Variants in NSMCE2 observed in about 807,000 individuals in gnomAD.
NSMCE2 encodes NSE2 SUMO ligase component of SMC5/6 complex, also known as E3 SUMO-protein ligase NSE2.
In NSMCE2, 24 loss-of-function variants were observed where a neutral mutation model predicts 23.8. The ratio of observed to expected loss-of-function variants is 1.01; its 90% CI spans 0.73 to 1.42. The LOEUF is 1.42. NSMCE2 is among the 40% of genes most tolerant of loss of function. The pLI, the probability that NSMCE2 is intolerant of heterozygous loss-of-function variation, is 0.00. For synonymous variants in NSMCE2, 92 were observed against 94.1 expected (o/e 0.98, Z 0.13); for missense variants, 284 against 296.5 (o/e 0.96, Z 0.31).
chr8:125,319,122 C>G (rs567360236), intron 5 of NSMCE2, among the ~76,000 whole-genome samples: 122 of 152,306 alleles, frequency 8.0e-4, no homozygotes, highest in African/African-American at 2.9e-3. Context: ...AATTCAGAGA[C>G]ATTGGTTACT....
In NSMCE2 at chr8:125,277,327, G is replaced by A. The variant is rs535455203; in HGVS notation, c.419-79892G>A. The stretch of plus-strand genomic sequence containing the variant: ...CTCCTCCTCAAGTCACCTCTCTGAA[G>A]TCAAGGCCATGATATTCATTAGGCA... On this transcript the variant is annotated intron_variant, in intron 5 of 7. Coordinates refer to ENST00000287437, the MANE Select transcript of NSMCE2 (RefSeq NM_173685.4). Among the ~76,000 whole-genome samples, 50 of 152,190 alleles carry A rather than the reference G, an allele frequency of 3.3e-4. No homozygotes were observed. The South Asian group carries it at 9.8e-3, about 30-fold the overall frequency.
At chr8:125,179,528 G>A (rs1041060725) in intron 4 of NSMCE2, among the ~76,000 whole-genome samples, 2 of 152,196 alleles carry the variant, frequency 1.3e-5, no homozygotes, top group Non-Finnish European at 2.9e-5. Flanking sequence ...GAGATAATGA[G>A]TTGAATGTTT....
At chr8:125,354,076 C>T (rs1417082095) in intron 5 of NSMCE2, among the ~76,000 whole-genome samples, 1 of 151,030 alleles carries the variant, frequency 6.6e-6, no homozygotes, top group Non-Finnish European at 1.5e-5. Flanking sequence ...AGGTTATAGG[C>T]GCCCACCACC....
intron 5 of NSMCE2, among the ~76,000 whole-genome samples, chr8:125,218,597 A>T (rs1235980299): frequency 6.6e-6 from 1 of 151,984 alleles, no homozygotes; most frequent in African/African-American, 2.4e-5. Flanking sequence ...TTTTTAGTAG[A>T]CGTGGGGTTT....
chr8:125,196,142 C>T (rs987988411), intron 5 of NSMCE2, among the ~76,000 whole-genome samples: 4 of 151,612 alleles, frequency 2.6e-5, no homozygotes, highest in African/African-American at 9.7e-5. Context: ...CCTTGGCCTC[C>T]CAAAGTGCTG....
intron 1 of NSMCE2, among the ~76,000 whole-genome samples, chr8:125,100,982 G>A (rs1283044989): frequency 1.3e-5 from 2 of 152,202 alleles, no homozygotes; most frequent in African/African-American, 2.4e-5. Flanking sequence ...CTTGAAAACT[G>A]TGGTATTCTC....
intron 3 of NSMCE2, among the ~76,000 whole-genome samples, chr8:125,130,880 G>A (rs1173516784): frequency 5.9e-5 from 9 of 152,128 alleles, no homozygotes; most frequent in Admixed American, 5.9e-4. Context: ...CTGTACATTT[G>A]CTTCTGTGTG....
intron 5 of NSMCE2, among the ~76,000 whole-genome samples, chr8:125,324,871 G>T (rs532526341): frequency 3.8e-5 from 2 of 52,266 alleles, no homozygotes; most frequent in South Asian, 1.2e-3. Context: ...ACCGCGCCCG[G>T]CCCATTTTGA....
At chr8:125,226,235 G>A (rs1825085786) in intron 5 of NSMCE2, among the ~76,000 whole-genome samples, 1 of 152,148 alleles carries the variant, frequency 6.6e-6, no homozygotes, top group African/African-American at 2.4e-5. Context: ...TATTCTCATG[G>A]CCCAGTCATT....
intron 3 of NSMCE2, among the ~76,000 whole-genome samples, chr8:125,138,930 A>G (rs1333892596): frequency 6.6e-6 from 1 of 152,168 alleles, no homozygotes; most frequent in Non-Finnish European, 1.5e-5. Flanking sequence ...CTGAGCCTCA[A>G]TTTCCTCAAC....
intron 5 of NSMCE2, among the ~76,000 whole-genome samples, chr8:125,255,777 C>CG (rs2131027734): frequency 6.6e-6 from 1 of 152,254 alleles, no homozygotes; most frequent in East Asian, 1.9e-4. Flanking sequence ...GCTGTCTGAT[C>CG]AGGTTTGTGT....
At chr8:125,137,388 A>G (rs1820125602) in intron 3 of NSMCE2, among the ~76,000 whole-genome samples, 1 of 152,208 alleles carries the variant, frequency 6.6e-6, no homozygotes, top group South Asian at 2.1e-4. Flanking sequence ...TCTGTTTTAA[A>G]GGAGGCTGAC....
chr8:125,257,021 G>A (rs1243497861), intron 5 of NSMCE2, among the ~76,000 whole-genome samples: 3 of 149,794 alleles, frequency 2.0e-5, no homozygotes, highest in African/African-American at 7.4e-5. Flanking sequence ...AAGGAGTCCG[G>A]GCCTGTAATC....
intron 7 of NSMCE2, among the ~76,000 whole-genome samples, chr8:125,365,498 G>C (rs1813742409): frequency 1.3e-5 from 2 of 152,058 alleles, no homozygotes; most frequent in South Asian, 2.1e-4. Flanking sequence ...ACATTTTCCA[G>C]ATGTAAACCA....
rs1415592268 is a variant in NSMCE2, at chr8:125,320,228, G to GA, written c.419-36990dup. Among the ~76,000 whole-genome samples the GA allele has an allele frequency of 8.0e-3, 230 of 28,926 alleles. 4 individuals are homozygous for GA. The highest frequency in any genetic ancestry group is 0.017 in the Middle Eastern group (1 of 58). The allele number at this position is 28,926 out of a possible 152,430, so 19.0% of individuals were successfully genotyped here. A position where few individuals can be genotyped will look rare whatever the true frequency, so the allele number is the denominator to read the frequency against. Reference sequence around the variant, plus strand: ...AAAGAGAAGGAAGGAAGGAGGGAGGGAGGGAAGGGAGGGAGGGAGGGAGGG... The same window carrying GA: ...AAAGAGAAGGAAGGAAGGAGGGAGGGAAGGGAAGGGAGGGAGGGAGGGAGGG... On this transcript the variant is annotated intron_variant, in intron 5 of 7. Transcript: ENST00000287437.
Position 125,310,624 on chromosome 8 carries a change from G to T in NSMCE2, c.419-46595G>T, listed in dbSNP as rs76013183. Among the ~76,000 whole-genome samples the T allele has an allele frequency of 1.2e-3, 177 of 152,080 alleles. 1 individual carries two copies. In the East Asian group the frequency reaches 0.02, roughly 17 times the overall value. ...TTTTTTGTCTTCTGCATACCTGCAA[G>T]TACCTCATCCATTCTTCCGTAATGT... On this transcript the variant is annotated intron_variant, in intron 5 of 7. Coordinates refer to ENST00000287437, the MANE Select transcript of NSMCE2 (RefSeq NM_173685.4).
chr8:125,267,923 C>A (rs1191738225), intron 5 of NSMCE2, among the ~76,000 whole-genome samples: 1 of 152,026 alleles, frequency 6.6e-6, no homozygotes, highest in South Asian at 2.1e-4. Flanking sequence ...AGTACTTATC[C>A]ATGCGTAAAA....
chr8:125,155,353 CTGAT>C (rs1297855767), intron 4 of NSMCE2, among the ~76,000 whole-genome samples: 10 of 152,272 alleles, frequency 6.6e-5, no homozygotes, highest in African/African-American at 2.2e-4. Flanking sequence ...CATCTTATTT[CTGAT>C]TGTCTTGATG....
At chr8:125,316,729 T>TC (rs879554983) in intron 5 of NSMCE2, among the ~76,000 whole-genome samples, 23,306 of 95,944 alleles carry the variant, frequency 0.24, 3,347 homozygotes, top group Admixed American at 0.32. Context: ...TTTCTTTCCT[T>TC]CTTTTCCTTC....
Sources: allele counts gnomAD v4.1 joint callset (sites outside exome capture counted in the v4.1 genomes callset), GRCh38; gene constraint gnomAD v4.1.1; transcripts MANE v1.5; gene names NCBI Gene and HGNC (gene_info 2026-07-23, HGNC 2026-07-21).